The following SOX5 variants were observed in gnomAD, a reference collection of about 807,000 sequenced individuals.
SOX5 encodes the protein SRY-box transcription factor 5, also known as transcription factor SOX-5.
Under a neutral mutation model 92.0 loss-of-function variants are expected in SOX5, and 9 were observed. The observed-to-expected ratio is 0.10, with a 90% CI of 0.06 to 0.17. SOX5 has a LOEUF of 0.17. Among genes scored for constraint, SOX5 ranks in the 10% least tolerant of loss-of-function variants. The pLI, the probability that SOX5 is intolerant of heterozygous loss-of-function variation, is 1.00. For synonymous variants in SOX5, 344 were observed against 336.3 expected (o/e 1.02, Z -0.25); for missense variants, 642 against 944.5 (o/e 0.68, Z 4.20).
intron 3 of SOX5, among the ~76,000 whole-genome samples, chr12:23,813,775 A>C (rs953516553): frequency 2.0e-5 from 3 of 152,166 alleles, no homozygotes; most frequent in African/African-American, 7.2e-5. Context: ...CTGTATTTTA[A>C]AACAGTTAGT....
At chr12:23,811,528 G>A (rs1170702344) in intron 3 of SOX5, among the ~76,000 whole-genome samples, 1 of 152,002 alleles carries the variant, frequency 6.6e-6, no homozygotes, top group Admixed American at 6.6e-5. Flanking sequence ...CAAAATTTAA[G>A]GTTTTTATGT....
At chr12:23,981,841 C>T (rs773602312) in intron 4 of SOX5, among the ~76,000 whole-genome samples, 2 of 152,062 alleles carry the variant, frequency 1.3e-5, no homozygotes, top group Non-Finnish European at 2.9e-5. Flanking sequence ...AAACACAATT[C>T]CTTGTTTTCT....
chr12:24,445,015 T>G (rs543101688), intron 1 of SOX5, among the ~76,000 whole-genome samples: 3 of 152,346 alleles, frequency 2.0e-5, no homozygotes, highest in African/African-American at 7.2e-5. Flanking sequence ...TGATTTTTTC[T>G]GTACCATCTG....
At chr12:23,585,388 C>T (rs777186677) in intron 9 of SOX5, among the ~76,000 whole-genome samples, 3 of 152,180 alleles carry the variant, frequency 2.0e-5, no homozygotes, top group East Asian at 3.9e-4. Context: ...TATTTAGCCA[C>T]AGGCTTCCTC....
chr12:24,221,572 A>G (rs2139801512), intron 3 of SOX5, among the ~76,000 whole-genome samples: 1 of 152,338 alleles, frequency 6.6e-6, no homozygotes, highest in South Asian at 2.1e-4. Context: ...TTATAAGTTT[A>G]AATTTATTCA....
intron 3 of SOX5, among the ~76,000 whole-genome samples, chr12:24,263,225 A>C (rs140105445): frequency 6.7e-6 from 1 of 150,306 alleles, no homozygotes; most frequent in Non-Finnish European, 1.5e-5. Context: ...ACTCCATCTT[A>C]AAAAAAGGAA....
intron 3 of SOX5, chr12:24,277,175 T>C (rs1258496564): frequency 2.6e-5 from 4 of 151,896 alleles, no homozygotes; most frequent in Admixed American, 1.3e-4. Flanking sequence ...AGAATAGTTA[T>C]CAATTTTTCA....
chr12:24,490,429 T>C (rs1275437245), intron 1 of SOX5, among the ~76,000 whole-genome samples: 1 of 152,198 alleles, frequency 6.6e-6, no homozygotes, highest in Non-Finnish European at 1.5e-5. Flanking sequence ...CTATTTACAA[T>C]AAAGTAAATG....
At chr12:24,064,220 C>A (rs1247846323) in intron 4 of SOX5, among the ~76,000 whole-genome samples, 2 of 152,200 alleles carry the variant, frequency 1.3e-5, no homozygotes, top group Non-Finnish European at 2.9e-5. Flanking sequence ...CACTGGTGCT[C>A]TTCAAAGAGT....
At chr12:23,819,614 T>A (rs1210002089) in intron 3 of SOX5, among the ~76,000 whole-genome samples, 2 of 152,242 alleles carry the variant, frequency 1.3e-5, no homozygotes, top group East Asian at 3.9e-4. Flanking sequence ...GTGTGTGATG[T>A]TCCCCTCTCT....
intron 11 of SOX5, among the ~76,000 whole-genome samples, chr12:23,554,235 G>A (rs1944718500): frequency 6.6e-6 from 1 of 152,052 alleles, no homozygotes; most frequent in African/African-American, 2.4e-5. Flanking sequence ...CTCCAGTGAT[G>A]GGGTTTGGTG....
intron 6 of SOX5, among the ~76,000 whole-genome samples, chr12:23,678,198 T>A (rs1157834362): frequency 6.6e-6 from 1 of 152,098 alleles, no homozygotes; most frequent in Non-Finnish European, 1.5e-5. Context: ...AATCATGAGT[T>A]TTTTAATCTT....
In SOX5 at chr12:23,734,739, T is replaced by C; in HGVS notation, c.755A>G (p.Gln252Arg). The C allele has an allele frequency of 6.2e-7, 1 of 1,613,268 alleles. No homozygotes were observed. Among genetic ancestry groups the C allele is most frequent in the Non-Finnish European group, 8.5e-7 (1 of 1,179,494 alleles). The change falls in exon 6 of 15, where the codon CAG (glutamine) becomes CGG (arginine). Residue 252 changes from glutamine (Q) to arginine (R), a missense_variant. Gln to Arg is a conservative substitution (Grantham distance 43). Coordinates refer to ENST00000451604, the MANE Select transcript of SOX5 (RefSeq NM_006940.6). The stretch of plus-strand genomic sequence containing the variant: ...GTGTTGTTGCTGTAGAAGCTGCTGC[T>C]GCTGTCTTGCAATCTGTGAAGAAAT... ...KQQQEQIARQQQQLLQQQHKI... is the reference protein window; with the variant it reads ...KQQQEQIARQRQQLLQQQHKI...
At chr12:23,574,039 A>G (rs1187812882) in intron 10 of SOX5, among the ~76,000 whole-genome samples, 1 of 151,600 alleles carries the variant, frequency 6.6e-6, no homozygotes, top group East Asian at 1.9e-4. Flanking sequence ...ATCTATTAGT[A>G]TCTAATGCAA....
intron 1 of SOX5, among the ~76,000 whole-genome samples, chr12:24,413,983 A>G (rs540161140): frequency 2.4e-4 from 36 of 152,308 alleles, no homozygotes; most frequent in African/African-American, 8.2e-4. Context: ...TCATTTTATG[A>G]AGGATCAAAC....
chr12:24,401,738 T>G (rs58937186), intron 1 of SOX5, among the ~76,000 whole-genome samples: 21,977 of 128,588 alleles, frequency 0.17, 2,024 homozygotes, highest in Non-Finnish European at 0.2. Context: ...AAAAAAAAAA[T>G]TGCAAAATAT....
chr12:23,975,976 A>T (rs1326830907), intron 4 of SOX5, among the ~76,000 whole-genome samples: 2 of 152,194 alleles, frequency 1.3e-5, no homozygotes, highest in African/African-American at 4.8e-5. Context: ...TATAGTCAAT[A>T]TAATTCATTT....
chr12:24,156,440 T>C (rs747469391), intron 4 of SOX5, among the ~76,000 whole-genome samples: 1 of 152,042 alleles, frequency 6.6e-6, no homozygotes, highest in South Asian at 2.1e-4. Flanking sequence ...TATAATACAA[T>C]ACACCTTGGA....
At chr12:23,885,231 TA>T (rs1362194553) in intron 2 of SOX5, among the ~76,000 whole-genome samples, 1 of 152,218 alleles carries the variant, frequency 6.6e-6, no homozygotes, top group Non-Finnish European at 1.5e-5. Flanking sequence ...AGTGTAATGC[TA>T]AAATTAATGT....
Sources: gnomAD v4.1 joint callset for allele counts (sites outside exome capture counted in the v4.1 genomes callset) on GRCh38, gnomAD v4.1.1 for gene constraint, MANE v1.5 for transcripts, NCBI Gene and HGNC (gene_info 2026-07-23, HGNC 2026-07-21) for gene names.